Variants in TTYH1 observed in about 807,000 individuals in gnomAD.
TTYH1 encodes the protein tweety family member 1, also known as protein tweety homolog 1.
A neutral mutation model predicts 61.2 loss-of-function variants in TTYH1; 33 were observed. The ratio of observed to expected loss-of-function variants is 0.54; its 90% CI spans 0.41 to 0.72. TTYH1 has a LOEUF of 0.72. TTYH1 is among the 30% of genes least tolerant of loss of function. The pLI is 0.00. For missense variants in TTYH1, 538 were observed against 575.8 expected (o/e 0.93, Z 0.67); for synonymous variants, 308 against 266.4 (o/e 1.16, Z -1.52).
chr19:54,429,510 G>C lies in TTYH1; in HGVS notation c.807+131G>C, dbSNP rs1175264372. On this transcript the variant is annotated intron_variant, in intron 6 of 13. Transcript: ENST00000376530. The surrounding 1 kb of genome is among the most constrained non-coding windows in gnomAD (Gnocchi z 5.1). The stretch of plus-strand genomic sequence containing the variant: ...GCACGATCACAGCTCTGAGGTTTAG[G>C]GCTTGTTTCCTGGGGCCTGAGTGGG... 2 of 850,412 alleles carry C rather than the reference G, an allele frequency of 2.4e-6. No individual in the cohort carries two copies. Among genetic ancestry groups the C allele is most frequent in the African/African-American group, 3.4e-5 (2 of 59,446 alleles). 52.7% of individuals were successfully genotyped at this position (850,412 alleles called of 1,614,324 possible).
intron 12 of TTYH1, 68 bp downstream of exon 12, chr19:54,435,941 G>A (rs2083541277): frequency 1.3e-6 from 2 of 1,598,346 alleles, no homozygotes; most frequent in African/African-American, 2.7e-5. Context: ...GAGGGAGGAG[G>A]AGCTGAGGGC....
intron 10 of TTYH1, 119 bp downstream of exon 10, chr19:54,431,310 T>G (rs766042852): frequency 1.2e-5 from 8 of 689,254 alleles, no homozygotes; most frequent in Non-Finnish European, 1.8e-5. Context: ...CTCTGTATCC[T>G]CTGTTTATAT....
At chr19:54,426,523 A>G in intron 4 of TTYH1, 150 bp from the exon 5 acceptor site, 1 of 688,624 alleles carries the variant, frequency 1.5e-6, no homozygotes, top group Non-Finnish European at 2.6e-6. Context: ...GCTGTGGCCC[A>G]GACACAGTAA....
In TTYH1 at chr19:54,429,963, T is replaced by A; in HGVS notation, c.883+6T>A. On this transcript the variant is annotated splice_donor_region_variant and intron_variant, in intron 7 of 13. Coordinates refer to ENST00000376530, the MANE Select transcript of TTYH1 (RefSeq NM_020659.4). This position sits in a 1 kb window ranked among gnomAD's most constrained non-coding sequence, Gnocchi z 5.1. ...GGAGACAGGGCTCAGCTCAGGTGAT[T>A]TCCAAGGGCCCGGTGGGTCCGCCGG... The A allele has an allele frequency of 6.2e-7, 1 of 1,613,562 alleles. No individual in the cohort carries two copies. The highest frequency in any genetic ancestry group is 8.5e-7 in the Non-Finnish European group (1 of 1,179,594).
rs570978495 is a variant in TTYH1 at position 54,436,220 on chromosome 19, C to G, written c.*42+49C>G. 2.2e-5 allele frequency: 36 copies of G among 1,606,948 alleles called. No homozygotes were observed. Among genetic ancestry groups the G allele is most frequent in the East Asian group, 6.7e-5 (3 of 44,834 alleles). ...GCTCCTGCAGCCGGGCCTCTGCCCC[C>G]CTCCCGCCCTCCGAGCTGCTCCAGG... On this transcript the variant is annotated intron_variant, in intron 13 of 13. Transcript: ENST00000376530. This position sits in a 1 kb window ranked among gnomAD's most constrained non-coding sequence, Gnocchi z 4.3.
In TTYH1 at chr19:54,421,002, G is replaced by A. The variant is rs981602188; in HGVS notation, c.306-275G>A. ...CTGGGGTTCTGCTCCAGGGAGGTGC[G>A]AGTTAAATCGGGGGCTCCCTCCCCC... On this transcript the variant is annotated intron_variant, in intron 2 of 13. Coordinates refer to ENST00000376530, the MANE Select transcript of TTYH1 (RefSeq NM_020659.4). This position sits in a 1 kb window ranked among gnomAD's most constrained non-coding sequence, Gnocchi z 4.8. Among the ~76,000 whole-genome samples the A allele has an allele frequency of 2.6e-5, 4 of 152,036 alleles. No homozygotes were observed. The highest frequency in any genetic ancestry group is 7.3e-5 in the African/African-American group (3 of 41,372).
chr19:54,435,517 T>C lies in TTYH1; in HGVS notation c.1126-25T>C, dbSNP rs1270851620. 1.9e-6 allele frequency: 3 copies of C among 1,570,984 alleles called. No homozygotes were observed. In the African/African-American group the frequency reaches 4.0e-5, roughly 21 times the overall value. ...CGATGGGGGAGGGGGTGGGGACGCA[T>C]GGCCTGATGACGCCCTCCCCTCAGG... is the stretch of plus-strand genomic sequence containing the variant. On this transcript the variant is annotated intron_variant, in intron 10 of 13. Transcript: ENST00000376530.
At chr19:54,433,860 A>G (rs77093974) in intron 10 of TTYH1, 10,530 of 152,166 alleles carry the variant, frequency 0.069, 597 homozygotes, top group African/African-American at 0.15. Context: ...CTGGGCTGCA[A>G]CTTCTTTCCA....
chr19:54,420,448 G>A lies in TTYH1; in HGVS notation c.306-829G>A, dbSNP rs1599886752. Among the ~76,000 whole-genome samples the A allele has an allele frequency of 6.6e-6, 1 of 152,142 alleles. No individual in the cohort carries two copies. ...TGTAGGACTCTGAACAATGGGGCGG[G>A]GACACTGGGCGTCCGACCCGAGGGA... On this transcript the variant is annotated intron_variant, in intron 2 of 13. Transcript: ENST00000376530. The surrounding 1 kb of genome is among the most constrained non-coding windows in gnomAD (Gnocchi z 4.8).
At position 54,430,472 on chromosome 19, in the gene TTYH1, C is replaced by T; in HGVS notation, c.884-78C>T. On this transcript the variant is annotated intron_variant, in intron 7 of 13. Coordinates refer to ENST00000376530, the MANE Select transcript of TTYH1 (RefSeq NM_020659.4). Reference sequence around the variant, plus strand: ...TGAGGCCCCTAACCCTGCTAACCCCCCAGTGCCCGGCCTTCCCCCGGGAGA... The same window carrying T: ...TGAGGCCCCTAACCCTGCTAACCCCTCAGTGCCCGGCCTTCCCCCGGGAGA... 4 of 1,519,622 alleles carry T rather than the reference C, an allele frequency of 2.6e-6. No individual in the cohort carries two copies. In the South Asian group the frequency reaches 4.5e-5, roughly 17 times the overall value. The allele number at this position is 1,519,622 out of a possible 1,614,324, so 94.1% of individuals were successfully genotyped here.
chr19:54,431,422 C>T (rs1470879204), intron 10 of TTYH1: 5 of 553,450 alleles, frequency 9.0e-6, no homozygotes, highest in South Asian at 6.6e-5. Flanking sequence ...CCCTTTCCCC[C>T]CAACTCCCGC....
Position 54,415,695 on chromosome 19 carries a change from G to T in TTYH1, c.126+17G>T. On this transcript the variant is annotated intron_variant, in intron 1 of 13. Transcript: ENST00000376530. This position sits in a 1 kb window ranked among gnomAD's most constrained non-coding sequence, Gnocchi z 5.2. ...TACCAGCAGGTGGGACCGGGCGCCA[G>T]GGCCTGGGGGCCAGGGCTGGGGGCC... 1 of 1,532,752 alleles carries T rather than the reference G, an allele frequency of 6.5e-7. No homozygotes were observed. Among genetic ancestry groups the T allele is most frequent in the East Asian group, 2.5e-5 (1 of 40,784 alleles). The allele number at this position is 1,532,752 out of a possible 1,614,324, so 94.9% of individuals were successfully genotyped here.
At chr19:54,430,124 C>T (rs1028345519) in intron 7 of TTYH1, among the ~76,000 whole-genome samples, 167 bp downstream of exon 7, 1 of 152,136 alleles carries the variant, frequency 6.6e-6, no homozygotes, top group Admixed American at 6.5e-5. Context: ...CTCCCCAGCT[C>T]GGAGCCCTCC....
At chr19:54,422,472 C>T in intron 4 of TTYH1, 62 bp downstream of exon 4, 2 of 1,406,536 alleles carry the variant, frequency 1.4e-6, no homozygotes, top group Non-Finnish European at 1.9e-6. Context: ...CCCGGGGGGA[C>T]AGTTGGCAAT....
rs2083491529 is a variant in TTYH1 at position 54,434,101 on chromosome 19, T to C, written c.1126-1441T>C. 6.6e-6 allele frequency: 1 copy of C among 152,186 alleles called. No individual in the cohort carries two copies. The allele number at this position is 152,186 out of a possible 1,614,324, so 9.4% of individuals were successfully genotyped here. A position where few individuals can be genotyped will look rare whatever the true frequency, so the allele number is the denominator to read the frequency against. ...ACAACCATTCTCAGAACAAGTTCTG[T>C]TGGCCCTTCCTCTGAAACCTATATG... On this transcript the variant is annotated intron_variant, in intron 10 of 13. Coordinates refer to ENST00000376530, the MANE Select transcript of TTYH1 (RefSeq NM_020659.4). The surrounding 1 kb of genome is among the most constrained non-coding windows in gnomAD (Gnocchi z 4.3).
rs368694798 is a variant in TTYH1 at position 54,430,978 on chromosome 19, G to A, written c.1032+73G>A. 1.1e-4 allele frequency: 172 copies of A among 1,566,206 alleles called. 2 individuals carry two copies. The East Asian group carries it at 2.7e-3, about 24-fold the overall frequency. On this transcript the variant is annotated intron_variant, in intron 9 of 13. Transcript: ENST00000376530. ...GGACGGGGCGGGATGGAGCTGTGGG[G>A]CGTAGGCGGGGCTGCAGAGCTAGGC... is the stretch of plus-strand genomic sequence containing the variant.
rs553375245 is a variant in TTYH1, at chr19:54,429,222, G to C, written c.735-85G>C. 2 of 1,263,984 alleles carry C rather than the reference G, an allele frequency of 1.6e-6. No individual in the cohort carries two copies. Among genetic ancestry groups the C allele is most frequent in the Non-Finnish European group, 2.3e-6 (2 of 867,562 alleles). 78.3% of individuals were successfully genotyped at this position (1,263,984 alleles called of 1,614,324 possible). On this transcript the variant is annotated intron_variant, in intron 5 of 13. Transcript: ENST00000376530. The surrounding 1 kb of genome is among the most constrained non-coding windows in gnomAD (Gnocchi z 5.1). ...CTCCAGAGGTGGGTGGAGGTGGGGG[G>C]CGGCTGTGATGGGATTTGGGGTGTG...
chr19:54,421,280 T>G lies in TTYH1; in HGVS notation c.309T>G (p.Thr103=), dbSNP rs781727578. ...SCIVALLAGC[T]GIGIGFYGNS... ...CTCTCCCTCCTCCTCCGCTCAGCAC[T>G]GGCATTGGCATCGGTTTCTATGGCA... Residue 103 remains threonine (T), a synonymous_variant, in exon 3 of 14, where the codon ACT becomes ACG. Transcript: ENST00000376530. The surrounding 1 kb of genome is among the most constrained non-coding windows in gnomAD (Gnocchi z 4.8). 1.2e-6 allele frequency: 2 copies of G among 1,610,264 alleles called. No homozygotes were observed. The highest frequency in any genetic ancestry group is 2.7e-5 in the African/African-American group (2 of 74,824).
At position 54,419,193 on chromosome 19, in the gene TTYH1, C is replaced by G; in HGVS notation, c.192C>G (p.Val64=). The change falls in exon 2 of 14, where the codon GTC becomes GTG. Residue 64 remains valine, a synonymous_variant. Transcript: ENST00000376530. The surrounding 1 kb of genome is among the most constrained non-coding windows in gnomAD (Gnocchi z 6.1). The part of the protein sequence containing the change: ...GLGLSLIFIA[V]YLIRFCCCRP... The stretch of plus-strand genomic sequence containing the variant: ...GCCTGAGCCTCATTTTCATCGCTGT[C>G]TACCTCATCCGCTTCTGCTGCTGCC... 1 of 1,612,866 alleles carries G rather than the reference C, an allele frequency of 6.2e-7. No individual in the cohort carries two copies. Among genetic ancestry groups the G allele is most frequent in the African/African-American group, 1.3e-5 (1 of 75,066 alleles).
Sources: allele counts gnomAD v4.1 joint callset (sites outside exome capture counted in the v4.1 genomes callset), GRCh38; gene constraint gnomAD v4.1.1; non-coding constraint Gnocchi (gnomAD v3.1); transcripts MANE v1.5; gene names NCBI Gene and HGNC (gene_info 2026-07-23, HGNC 2026-07-21).